Variants in DAPK1 observed in about 807,000 individuals in gnomAD.
DAPK1 encodes death associated protein kinase 1, also known as death-associated protein kinase 1.
A neutral mutation model predicts 144.9 loss-of-function variants in DAPK1; 56 were observed. The observed-to-expected ratio is 0.39, with a 90% CI of 0.31 to 0.48. The LOEUF is 0.48. DAPK1 is among the 20% of genes least tolerant of loss of function. The probability of loss-of-function intolerance (pLI) is 0.95; values close to 1 mark genes in which losing one functional copy is unlikely to be tolerated. For synonymous variants in DAPK1, 690 were observed against 749.0 expected (o/e 0.92, Z 1.29); for missense variants, 1,454 against 1,875.4 (o/e 0.78, Z 4.15).
At chr9:87,621,168 C>T (rs909653541) in intron 3 of DAPK1, among the ~76,000 whole-genome samples, 3 of 152,224 alleles carry the variant, frequency 2.0e-5, no homozygotes, top group Non-Finnish European at 2.9e-5. Flanking sequence ...CCTTTCCTAC[C>T]CTGGGACAGC....
chr9:87,639,710 G>A lies in DAPK1; in HGVS notation c.602+12G>A, dbSNP rs1432595328. 9 of 1,613,496 alleles carry A rather than the reference G, an allele frequency of 5.6e-6. No individual in the cohort carries two copies. In the Admixed American group the frequency reaches 1.3e-4, roughly 24 times the overall value. ...GAGGCAGATATGTGGTAAGGAGTAT[G>A]TCCTTGGTGTTGTTTGCTTTCTGAT... On this transcript the variant is annotated intron_variant, in intron 6 of 25. Coordinates refer to ENST00000408954, the MANE Select transcript of DAPK1 (RefSeq NM_004938.4).
At chr9:87,667,237 C>G (rs1418213824) in intron 18 of DAPK1, among the ~76,000 whole-genome samples, 1 of 152,152 alleles carries the variant, frequency 6.6e-6, no homozygotes, top group Non-Finnish European at 1.5e-5. Flanking sequence ...CCTGGCCTGC[C>G]CACTGGGGGA....
At chr9:87,673,301 C>T (rs549897961) in intron 19 of DAPK1, among the ~76,000 whole-genome samples, 141 of 152,166 alleles carry the variant, frequency 9.3e-4, no homozygotes, top group Non-Finnish European at 1.6e-3. Flanking sequence ...AGGATGGTGG[C>T]CCTACATTGC....
At chr9:87,662,560 G>GTTTTGTTTTTTTT (rs1554700237) in intron 18 of DAPK1, among the ~76,000 whole-genome samples, 8 of 32,132 alleles carry the variant, frequency 2.5e-4, no homozygotes, top group African/African-American at 9.2e-4. Flanking sequence ...TATATTCCTA[G>GTTTTGTTTTTTTT]TTTTTTTTTT....
At chr9:87,581,959 CT>C (rs1440961382) in intron 2 of DAPK1, among the ~76,000 whole-genome samples, 5 of 152,092 alleles carry the variant, frequency 3.3e-5, no homozygotes, top group African/African-American at 1.2e-4. Flanking sequence ...TGAATAGGTC[CT>C]CACATACAGA....
chr9:87,661,865 T>A (rs2119237817), intron 18 of DAPK1, among the ~76,000 whole-genome samples: 1 of 152,350 alleles, frequency 6.6e-6, no homozygotes, highest in East Asian at 1.9e-4. Flanking sequence ...ATGTTCCGTA[T>A]GCTTTTGAGG....
At chr9:87,649,379 C>T (rs36213696) in intron 15 of DAPK1, among the ~76,000 whole-genome samples, 190 of 152,310 alleles carry the variant, frequency 1.2e-3, no homozygotes, top group African/African-American at 4.4e-3. Context: ...TTGACTTGTT[C>T]AAGTGTGGCT....
At chr9:87,650,203 A>T in intron 16 of DAPK1, 85 bp downstream of exon 16, 4 of 1,410,226 alleles carry the variant, frequency 2.8e-6, no homozygotes, top group Non-Finnish European at 3.9e-6. Flanking sequence ...TTGTTTCCCT[A>T]AGATAACAAA....
intron 2 of DAPK1, among the ~76,000 whole-genome samples, chr9:87,577,275 T>C (rs1054266291): frequency 9.2e-5 from 14 of 152,108 alleles, no homozygotes; most frequent in South Asian, 4.2e-4. Context: ...CATAACGGAA[T>C]TGGAAACTCG....
intron 2 of DAPK1, among the ~76,000 whole-genome samples, chr9:87,552,567 G>T (rs905682425): frequency 5.9e-5 from 9 of 151,862 alleles, no homozygotes; most frequent in African/African-American, 2.2e-4. Context: ...TAATTTTATT[G>T]TTGTATAATG....
At chr9:87,559,331 C>A (rs1826826918) in intron 2 of DAPK1, among the ~76,000 whole-genome samples, 1 of 149,174 alleles carries the variant, frequency 6.7e-6, no homozygotes, top group Admixed American at 6.6e-5. Context: ...TAGGGCAGGG[C>A]AGGGTAGTGT....
chr9:87,591,371 C>T (rs1181282433), intron 2 of DAPK1, among the ~76,000 whole-genome samples: 1 of 152,212 alleles, frequency 6.6e-6, no homozygotes, highest in East Asian at 1.9e-4. Flanking sequence ...GGTCTTAAAG[C>T]AAATGATGGA....
At chr9:87,567,746 C>T (rs576151364) in intron 2 of DAPK1, among the ~76,000 whole-genome samples, 6 of 152,178 alleles carry the variant, frequency 3.9e-5, no homozygotes, top group Non-Finnish European at 8.8e-5. Context: ...AGATTGCCTC[C>T]GAATGAGTCT....
At chr9:87,616,790 G>A (rs1285177389) in intron 3 of DAPK1, among the ~76,000 whole-genome samples, 1 of 152,242 alleles carries the variant, frequency 6.6e-6, no homozygotes, top group Non-Finnish European at 1.5e-5. Context: ...CTGAGCCTCA[G>A]TAGAGGGCCT....
intron 19 of DAPK1, among the ~76,000 whole-genome samples, chr9:87,680,085 A>T (rs1824548740): frequency 1.3e-5 from 2 of 150,504 alleles, no homozygotes; most frequent in South Asian, 2.1e-4. Flanking sequence ...TTAATATTTT[A>T]AAATTTATTT....
At chr9:87,702,202 C>T (rs566093243) in intron 24 of DAPK1, among the ~76,000 whole-genome samples, 1 of 152,158 alleles carries the variant, frequency 6.6e-6, no homozygotes, top group Non-Finnish European at 1.5e-5. Flanking sequence ...ATTTAGCTGA[C>T]ACAAAAGAAT....
rs1056370464 is a variant in DAPK1 at position 87,647,496 on chromosome 9, A to G, written c.1329+93A>G. 7 of 1,058,420 alleles carry G rather than the reference A, an allele frequency of 6.6e-6. No homozygotes were observed. The African/African-American group carries it at 1.1e-4, about 17-fold the overall frequency. 65.6% of individuals were successfully genotyped at this position (1,058,420 alleles called of 1,614,324 possible). A position where few individuals can be genotyped will look rare whatever the true frequency, so the allele number is the denominator to read the frequency against. ...GCCTACCGTGTGCATCGGGACCCAA[A>G]GGAAAGGAATCAGGACCAGAATTCA... On this transcript the variant is annotated intron_variant, in intron 14 of 25. Coordinates refer to ENST00000408954, the MANE Select transcript of DAPK1 (RefSeq NM_004938.4).
chr9:87,569,892 TTTAGGTA>T (rs2118733961), intron 2 of DAPK1, among the ~76,000 whole-genome samples: 1 of 152,348 alleles, frequency 6.6e-6, no homozygotes, highest in Admixed American at 6.5e-5. Context: ...TAAATAAAGT[TTTAGGTA>T]TTATTTTCTG....
intron 2 of DAPK1, among the ~76,000 whole-genome samples, chr9:87,597,950 C>T (rs1255706915): frequency 6.6e-6 from 1 of 152,186 alleles, no homozygotes; most frequent in Non-Finnish European, 1.5e-5. Context: ...CTAACTGCAC[C>T]CTCTCTGCAA....
Sources: gnomAD v4.1 joint callset for allele counts (sites outside exome capture counted in the v4.1 genomes callset) on GRCh38, gnomAD v4.1.1 for gene constraint, MANE v1.5 for transcripts, NCBI Gene and HGNC (gene_info 2026-07-23, HGNC 2026-07-21) for gene names.